Variants in ATRNL1 observed in about 807,000 individuals in gnomAD.
ATRNL1 encodes the protein attractin-like protein 1.
A neutral mutation model predicts 182.7 loss-of-function variants in ATRNL1; 95 were observed. The observed-to-expected ratio is 0.52, with a 90% CI of 0.44 to 0.62. The LOEUF (loss-of-function observed/expected upper bound fraction) is 0.62, where lower values mean the gene tolerates loss of function less well. Among genes scored for constraint, ATRNL1 ranks in the 20% least tolerant of loss-of-function variants. The probability of loss-of-function intolerance (pLI) is 0.00; values close to 1 mark genes in which losing one functional copy is unlikely to be tolerated. For missense variants in ATRNL1, 1,471 were observed against 1,679.5 expected (o/e 0.88, Z 2.17); for synonymous variants, 576 against 568.3 (o/e 1.01, Z -0.19).
At chr10:115,869,192 A>G (rs1555105480) in intron 28 of ATRNL1, among the ~76,000 whole-genome samples, 1 of 152,166 alleles carries the variant, frequency 6.6e-6, no homozygotes, top group African/African-American at 2.4e-5. Context: ...ACCAGGACAC[A>G]CAACGTGTTT....
At chr10:115,808,964 T>C (rs1949984243) in intron 27 of ATRNL1, among the ~76,000 whole-genome samples, 1 of 152,162 alleles carries the variant, frequency 6.6e-6, no homozygotes, top group Non-Finnish European at 1.5e-5. Context: ...GTTTTATTGC[T>C]TTTATTATTA....
At chr10:115,550,796 A>G (rs534936868) in intron 26 of ATRNL1, among the ~76,000 whole-genome samples, 35 of 151,840 alleles carry the variant, frequency 2.3e-4, no homozygotes, top group Non-Finnish European at 4.3e-4. Flanking sequence ...AATCATAATT[A>G]TAGGCAGGTA....
chr10:115,301,469 A>G lies in ATRNL1; in HGVS notation c.2630-386A>G, dbSNP rs139507788. On this transcript the variant is annotated intron_variant, in intron 16 of 28. Transcript: ENST00000355044. ...TTTTTATTCTTTGTTTATATCAAAG[A>G]CATGTTCACTTACAGGACATTTACT... is the stretch of plus-strand genomic sequence containing the variant. Among the ~76,000 whole-genome samples the G allele has an allele frequency of 1.1e-4, 17 of 152,300 alleles. No homozygotes were observed. The East Asian group carries it at 3.3e-3, about 29-fold the overall frequency.
At chr10:115,121,317 G>A (rs1053719324) in intron 2 of ATRNL1, among the ~76,000 whole-genome samples, 30 of 152,078 alleles carry the variant, frequency 2.0e-4, no homozygotes, top group African/African-American at 7.2e-4. Flanking sequence ...TTACCATGTT[G>A]GCCAGGATGG....
At chr10:115,321,987 GA>G in intron 18 of ATRNL1, among the ~76,000 whole-genome samples, 1 of 151,978 alleles carries the variant, frequency 6.6e-6, no homozygotes, top group South Asian at 2.1e-4. Flanking sequence ...AGGAGAAAAG[GA>G]AATCAAGAAG....
intron 19 of ATRNL1, 117 bp from the exon 20 acceptor site, chr10:115,394,542 T>A: frequency 1.3e-6 from 1 of 752,802 alleles, no homozygotes; most frequent in Non-Finnish European, 2.2e-6. Flanking sequence ...ACCTTAGTTT[T>A]TGGATGGCAA....
intron 8 of ATRNL1, among the ~76,000 whole-genome samples, chr10:115,189,832 A>T (rs1848101538): frequency 6.6e-6 from 1 of 152,104 alleles, no homozygotes; most frequent in African/African-American, 2.4e-5. Context: ...AGGCCTTCAC[A>T]TTCACTCACC....
chr10:115,643,739 C>T (rs1056274531), intron 26 of ATRNL1, among the ~76,000 whole-genome samples: 1 of 151,976 alleles, frequency 6.6e-6, no homozygotes, highest in African/African-American at 2.4e-5. Flanking sequence ...TGCAGTATGA[C>T]ACCACTGCTG....
rs79938564 is a variant in ATRNL1, at chr10:115,549,494, A to G, written c.3753A>G (p.Val1251=). ...CCTTATTGCTGGTGGCTGCTGTGGT[A>G]TGGAAGATCAAACAAACTTGTTGGG... ...FLSLLLVAAV[V]WKIKQTCWAS... is the part of the protein sequence containing the mutation. Residue 1251 remains valine, a synonymous_variant, in exon 26 of 29, where the codon GTA becomes GTG. Coordinates refer to ENST00000355044, the MANE Select transcript of ATRNL1 (RefSeq NM_207303.4). The G allele has an allele frequency of 2.6e-4, 412 of 1,603,852 alleles. 2 individuals carry two copies. In the East Asian group the frequency reaches 8.8e-3, roughly 34 times the overall value.
chr10:115,233,897 A>T (rs1554900679), intron 9 of ATRNL1, among the ~76,000 whole-genome samples: 1 of 151,808 alleles, frequency 6.6e-6, no homozygotes, highest in Non-Finnish European at 1.5e-5. Flanking sequence ...TTTTGTAAGG[A>T]TTTTTACATT....
chr10:115,592,929 G>GTCTA (rs1855999802), intron 26 of ATRNL1, among the ~76,000 whole-genome samples: 1 of 135,980 alleles, frequency 7.4e-6, no homozygotes, highest in Admixed American at 8.0e-5. Context: ...CTAACTATCT[G>GTCTA]TCTGTCTGTC....
chr10:115,810,965 T>C (rs1950033746), intron 27 of ATRNL1, among the ~76,000 whole-genome samples: 1 of 151,916 alleles, frequency 6.6e-6, no homozygotes, highest in East Asian at 1.9e-4. Context: ...GATTTTTTCC[T>C]TTGTTTTTCT....
At chr10:115,729,055 A>T (rs1435979591) in intron 27 of ATRNL1, among the ~76,000 whole-genome samples, 1 of 152,158 alleles carries the variant, frequency 6.6e-6, no homozygotes, top group Non-Finnish European at 1.5e-5. Flanking sequence ...ATGCACACAT[A>T]GACTAAAGAA....
At chr10:115,275,739 A>G (rs1852075899) in intron 13 of ATRNL1, among the ~76,000 whole-genome samples, 1 of 152,072 alleles carries the variant, frequency 6.6e-6, no homozygotes, top group African/African-American at 2.4e-5. Flanking sequence ...TCCTTTCAAT[A>G]CTGGTGAAAG....
chr10:115,834,831 C>T lies in ATRNL1; in HGVS notation c.3904-13046C>T, dbSNP rs568184699. Among the ~76,000 whole-genome samples the T allele has an allele frequency of 1.3e-4, 20 of 152,230 alleles. No individual in the cohort carries two copies. In the South Asian group the frequency reaches 3.9e-3, roughly 30 times the overall value. Reference sequence around the variant, plus strand: ...TAGTGTGATAGGGACCAATATTTATCTTAAAAGGATTGATGTAAATCTTCC... The same window carrying T: ...TAGTGTGATAGGGACCAATATTTATTTTAAAAGGATTGATGTAAATCTTCC... On this transcript the variant is annotated intron_variant, in intron 27 of 28. Transcript: ENST00000355044.
chr10:115,544,406 G>T (rs1439682689), intron 25 of ATRNL1, among the ~76,000 whole-genome samples: 5 of 152,148 alleles, frequency 3.3e-5, no homozygotes, highest in Non-Finnish European at 5.9e-5. Context: ...TCATGGTTCT[G>T]CAGGCTTTAC....
chr10:115,419,476 G>A (rs1277892060), intron 20 of ATRNL1, among the ~76,000 whole-genome samples: 1 of 152,134 alleles, frequency 6.6e-6, no homozygotes, highest in Non-Finnish European at 1.5e-5. Context: ...TCAGTTAAAA[G>A]AGAGGCTGAA....
chr10:115,349,491 G>T (rs1400819887), intron 19 of ATRNL1, among the ~76,000 whole-genome samples: 1 of 152,072 alleles, frequency 6.6e-6, no homozygotes, highest in African/African-American at 2.4e-5. Flanking sequence ...AGAATTTCTG[G>T]ATCATACGTA....
chr10:115,534,458 C>T (rs570785048), intron 25 of ATRNL1, among the ~76,000 whole-genome samples: 2 of 152,360 alleles, frequency 1.3e-5, no homozygotes, highest in East Asian at 1.9e-4. Context: ...ATTTGCTTGG[C>T]AGATCTTCCT....
Sources: allele counts gnomAD v4.1 joint callset (sites outside exome capture counted in the v4.1 genomes callset), GRCh38; gene constraint gnomAD v4.1.1; transcripts MANE v1.5; gene names NCBI Gene and HGNC (gene_info 2026-07-23, HGNC 2026-07-21).